ABCA5: variants seen among roughly 807,000 people sequenced by gnomAD.
ABCA5 encodes the protein cholesterol transporter ABCA5.
In ABCA5, 163 loss-of-function variants were observed where a neutral mutation model predicts 206.0. That is an observed-to-expected ratio of 0.79 (90% confidence interval 0.70 to 0.90). The LOEUF (loss-of-function observed/expected upper bound fraction) is 0.90, where lower values mean the gene tolerates loss of function less well. ABCA5 is among the 40% of genes least tolerant of loss of function. The probability of loss-of-function intolerance (pLI) is 0.00; values close to 1 mark genes in which losing one functional copy is unlikely to be tolerated. For missense variants in ABCA5, 1,859 were observed against 1,912.9 expected, an observed-to-expected ratio of 0.97 and a Z score of 0.53; for synonymous variants, 609 against 613.8, an observed-to-expected ratio of 0.99 and a Z score of 0.11.
chr17:69,274,811 C>G (rs2075312342), intron 19 of ABCA5, among the ~76,000 whole-genome samples: 1 of 149,980 alleles, frequency 6.7e-6, no homozygotes, highest in Non-Finnish European at 1.5e-5. Context: ...GGAATTACTT[C>G]CTGTCCTGTC....
intron 17 of ABCA5, among the ~76,000 whole-genome samples, chr17:69,285,120 T>G (rs1427413859): frequency 3.3e-5 from 5 of 152,180 alleles, no homozygotes; most frequent in Non-Finnish European, 7.3e-5. Context: ...ATAGTATTTA[T>G]CTCATGTATT....
chr17:69,289,350 A>T, intron 13 of ABCA5, 54 bp from the exon 14 acceptor site: 1 of 1,288,776 alleles, frequency 7.8e-7, no homozygotes, highest in South Asian at 1.9e-5. Flanking sequence ...CATTTATATA[A>T]TTATCAATAT....
intron 13 of ABCA5, 90 bp downstream of exon 13, chr17:69,289,772 A>T: frequency 9.8e-7 from 1 of 1,021,150 alleles, no homozygotes; most frequent in Non-Finnish European, 1.4e-6. Context: ...TTATATTTAG[A>T]TTTTCAAGCA....
intron 28 of ABCA5, among the ~76,000 whole-genome samples, chr17:69,258,822 C>T (rs978451152): frequency 2.0e-5 from 3 of 151,482 alleles, no homozygotes; most frequent in African/African-American, 4.9e-5. Flanking sequence ...GTGGACAGTT[C>T]GAAAAGACAA....
chr17:69,297,958 G>A (rs1434138183), intron 9 of ABCA5, among the ~76,000 whole-genome samples: 1 of 152,168 alleles, frequency 6.6e-6, no homozygotes, highest in Non-Finnish European at 1.5e-5. Flanking sequence ...GCAGAGGCTG[G>A]CATATTGCTT....
chr17:69,278,569 T>A (rs1050389143), intron 18 of ABCA5, among the ~76,000 whole-genome samples: 1 of 152,204 alleles, frequency 6.6e-6, no homozygotes, highest in Non-Finnish European at 1.5e-5. Flanking sequence ...AGGTTGTACA[T>A]GATCAATGAC....
intron 9 of ABCA5, among the ~76,000 whole-genome samples, chr17:69,298,489 T>C (rs1465053084): frequency 6.6e-6 from 1 of 152,174 alleles, no homozygotes; most frequent in Non-Finnish European, 1.5e-5. Flanking sequence ...TTCAAAGGGA[T>C]CTGATGCCAA....
Position 69,294,553 on chromosome 17 carries a change from G to A in ABCA5, c.1495+102C>T, listed in dbSNP as rs552251300. On this transcript the variant is annotated intron_variant, in intron 11 of 38. Coordinates refer to ENST00000392676, the MANE Select transcript of ABCA5 (RefSeq NM_172232.4). ...AATAAAATAAAATAAAAGCAAGACA[G>A]AAAATCATGGTAGAGAAGTTTAAAT... 90 of 1,036,354 alleles carry A rather than the reference G, an allele frequency of 8.7e-5. No homozygotes were observed. In the African/African-American group the frequency reaches 1.3e-3, roughly 14 times the overall value. The allele number at this position is 1,036,354 out of a possible 1,614,324, so 64.2% of individuals were successfully genotyped here. A position where few individuals can be genotyped will look rare whatever the true frequency, so the allele number is the denominator to read the frequency against.
At chr17:69,285,634 A>G (rs1238906841) in intron 17 of ABCA5, among the ~76,000 whole-genome samples, 1 of 152,038 alleles carries the variant, frequency 6.6e-6, no homozygotes, top group Non-Finnish European at 1.5e-5. Flanking sequence ...CAAAGTAAAC[A>G]CAATTATTTT....
At chr17:69,315,242 A>C (rs1339344824) in intron 1 of ABCA5, 2 of 152,282 alleles carry the variant, frequency 1.3e-5, no homozygotes, top group Non-Finnish European at 2.9e-5. Context: ...GAACTAACAG[A>C]CAGACCACTG....
At chr17:69,319,154 G>A (rs1378066868) in intron 1 of ABCA5, among the ~76,000 whole-genome samples, 1 of 152,126 alleles carries the variant, frequency 6.6e-6, no homozygotes, top group African/African-American at 2.4e-5. Flanking sequence ...TTGATAATAG[G>A]AGGGAAGGAA....
chr17:69,320,608 T>G (rs962861302), intron 1 of ABCA5, among the ~76,000 whole-genome samples: 1 of 152,232 alleles, frequency 6.6e-6, no homozygotes, highest in Non-Finnish European at 1.5e-5. Flanking sequence ...GCTGTTTGAT[T>G]GAAAAGAATG....
intron 19 of ABCA5, 21 bp from the exon 20 acceptor site, chr17:69,274,149 A>G (rs762773388): frequency 1.3e-6 from 2 of 1,555,948 alleles, no homozygotes; most frequent in Non-Finnish European, 1.7e-6. Context: ...AAAAAAAACA[A>G]CACAGCTCAG....
chr17:69,318,796 A>C (rs567864845), intron 1 of ABCA5: 1 of 701,280 alleles, frequency 1.4e-6, no homozygotes, highest in Non-Finnish European at 2.7e-6. Context: ...ATTGAAAATT[A>C]AATGGTGGCA....
At chr17:69,289,716 T>C (rs1359907009) in intron 13 of ABCA5, 146 bp downstream of exon 13, 2 of 676,190 alleles carry the variant, frequency 3.0e-6, no homozygotes, top group African/African-American at 1.9e-5. Context: ...CCAAATTCTG[T>C]CTAATTCTTT....
intron 27 of ABCA5, 123 bp downstream of exon 27, chr17:69,260,215 T>A (rs1389161670): frequency 1.5e-6 from 1 of 667,274 alleles, no homozygotes; most frequent in Non-Finnish European, 2.5e-6. Flanking sequence ...TTAACTAACA[T>A]GCTTAACTTT....
chr17:69,283,920 T>C, intron 18 of ABCA5, 33 bp downstream of exon 18: 1 of 1,593,004 alleles, frequency 6.3e-7, no homozygotes. Flanking sequence ...GTCTGATTCA[T>C]TGCCTAAAAT....
chr17:69,321,239 T>C (rs932032434), intron 1 of ABCA5, among the ~76,000 whole-genome samples: 1 of 152,182 alleles, frequency 6.6e-6, no homozygotes, highest in Admixed American at 6.5e-5. Context: ...GGAACAACTC[T>C]TGTGGATGAA....
At chr17:69,252,016 A>ACTTTTATCTTCTTTTTT (rs71144665) in intron 34 of ABCA5, 150 bp from the exon 35 acceptor site, 2 of 614,104 alleles carry the variant, frequency 3.3e-6, no homozygotes, top group East Asian at 3.4e-5. Context: ...CCCAACTATG[A>ACTTTTATCTTCTTTTTT]TTTTTTTTTT....
Sources: allele counts gnomAD v4.1 joint callset (sites outside exome capture counted in the v4.1 genomes callset), GRCh38; gene constraint gnomAD v4.1.1; transcripts MANE v1.5; gene names NCBI Gene and HGNC (gene_info 2026-07-23, HGNC 2026-07-21).